Variants in LRP2 observed in about 807,000 individuals in gnomAD.
The protein encoded by LRP2 is LDL receptor related protein 2.
A neutral mutation model predicts 531.0 loss-of-function variants in LRP2; 172 were observed. The observed-to-expected ratio is 0.32, with a 90% CI of 0.29 to 0.37. The LOEUF (loss-of-function observed/expected upper bound fraction) is 0.37. LRP2 is among the 10% of genes least tolerant of loss of function. The pLI is 1.00. For missense variants in LRP2, 5,167 were observed against 5,868.3 expected (o/e 0.88, Z 3.90); for synonymous variants, 1,992 against 2,027.6 (o/e 0.98, Z 0.47).
intron 25 of LRP2, among the ~76,000 whole-genome samples, chr2:169,240,345 G>A (rs1689760244): frequency 6.6e-6 from 1 of 152,182 alleles, no homozygotes; most frequent in Non-Finnish European, 1.5e-5. Context: ...GCCTGGGGAT[G>A]CAAATGCCTT....
chr2:169,332,537 G>T (rs530799090), intron 1 of LRP2, among the ~76,000 whole-genome samples: 1 of 152,218 alleles, frequency 6.6e-6, no homozygotes, highest in South Asian at 2.1e-4. Context: ...CTGGCATCTT[G>T]CACCTTAACC....
chr2:169,327,707 G>T (rs1685128166), intron 1 of LRP2, among the ~76,000 whole-genome samples: 1 of 125,982 alleles, frequency 7.9e-6, no homozygotes, highest in Non-Finnish European at 1.7e-5. Context: ...GGAGGGAGGT[G>T]GGGGGATCAG....
chr2:169,238,736 C>G (rs902253809), intron 26 of LRP2, among the ~76,000 whole-genome samples: 12 of 152,068 alleles, frequency 7.9e-5, no homozygotes, highest in African/African-American at 7.2e-5. Flanking sequence ...TCCCAACACC[C>G]CCTCTCTTCT....
intron 18 of LRP2, among the ~76,000 whole-genome samples, 178 bp from the exon 19 acceptor site, chr2:169,256,414 CT>C (rs1690305885): frequency 6.6e-6 from 1 of 151,808 alleles, no homozygotes; most frequent in South Asian, 2.1e-4. Context: ...GAGACGGCTA[CT>C]TTTCATGAAG....
intron 76 of LRP2, among the ~76,000 whole-genome samples, chr2:169,134,694 C>T (rs1685429891): frequency 6.6e-6 from 1 of 152,200 alleles, no homozygotes; most frequent in East Asian, 1.9e-4. Flanking sequence ...AAAGGGACTA[C>T]ATGTCAGTAT....
intron 1 of LRP2, among the ~76,000 whole-genome samples, chr2:169,352,768 G>T (rs1024304762): frequency 6.6e-6 from 1 of 151,576 alleles, no homozygotes. Context: ...ACCAAACACC[G>T]CATGTTCTCA....
intron 16 of LRP2, among the ~76,000 whole-genome samples, chr2:169,270,282 T>C (rs187032382): frequency 1.7e-3 from 260 of 152,330 alleles, no homozygotes; most frequent in Admixed American, 3.6e-3. Context: ...TTATAAATCA[T>C]GCTGCTATAA....
In LRP2 at chr2:169,297,972, AACAC is replaced by A. The variant is rs10548576; in HGVS notation, c.428-3266_428-3263del. Among the ~76,000 whole-genome samples the A allele has an allele frequency of 8.5e-3, 1,278 of 150,016 alleles. 6 individuals carry two copies. The highest frequency in any genetic ancestry group is 0.037 in the South Asian group (174 of 4,724). On this transcript the variant is annotated intron_variant, in intron 4 of 78. Transcript: ENST00000649046. The stretch of plus-strand genomic sequence containing the variant: ...TAGGAAACTTAAGCCAAGATTGGGA[AACAC>A]ACACACACACACACACACAAGAAAT...
chr2:169,129,197 G>T, intron 77 of LRP2, 113 bp from the exon 78 acceptor site: 2 of 782,896 alleles, frequency 2.6e-6, no homozygotes, highest in Non-Finnish European at 4.5e-6. Context: ...AAGCAATTTG[G>T]GACCTGGGAC....
intron 1 of LRP2, among the ~76,000 whole-genome samples, chr2:169,348,602 G>A (rs1685758517): frequency 1.3e-5 from 2 of 152,176 alleles, no homozygotes; most frequent in Admixed American, 1.3e-4. Flanking sequence ...CAGAATGACA[G>A]TCCACTAACA....
intron 5 of LRP2, 37 bp downstream of exon 5, chr2:169,294,563 T>G: frequency 6.9e-6 from 10 of 1,449,654 alleles, no homozygotes; most frequent in Non-Finnish European, 7.8e-6. Context: ...TAAACCAGCT[T>G]CAGCACACAA....
At chr2:169,194,397 G>A (rs986264339) in intron 46 of LRP2, among the ~76,000 whole-genome samples, 1 of 152,006 alleles carries the variant, frequency 6.6e-6, no homozygotes, top group Non-Finnish European at 1.5e-5. Context: ...AGCTCCATGT[G>A]GGTAGGGATT....
At chr2:169,264,764 C>T (rs1173433731) in intron 16 of LRP2, among the ~76,000 whole-genome samples, 1 of 152,030 alleles carries the variant, frequency 6.6e-6, no homozygotes, top group Non-Finnish European at 1.5e-5. Context: ...GGGCGAGGAA[C>T]TAAGGGGCTC....
chr2:169,233,723 T>G (rs1205625619), intron 29 of LRP2, 135 bp from the exon 30 acceptor site: 8 of 864,742 alleles, frequency 9.3e-6, no homozygotes, highest in Non-Finnish European at 1.5e-5. Flanking sequence ...AGGAAGTCAT[T>G]GTGCAAAAGA....
In LRP2 at chr2:169,231,738, G is replaced by A; in HGVS notation, c.5203C>T (p.Pro1735Ser). The A allele has an allele frequency of 1.9e-6, 3 of 1,614,058 alleles. No homozygotes were observed. Among genetic ancestry groups the A allele is most frequent in the Non-Finnish European group, 2.5e-6 (3 of 1,179,970 alleles). The change falls in exon 31 of 79, where the codon CCT (proline) becomes TCT (serine). Residue 1735 changes from proline (P) to serine (S), a missense_variant. Transcript: ENST00000649046. ...CVCPSGWSLS[P>S]DLLNCLRDDQ... ...CCTCTCAAGCAATTCAGGAGATCAG[G>A]AGACAGACTCCATCCTGAAGGACAA...
intron 37 of LRP2, among the ~76,000 whole-genome samples, chr2:169,211,088 T>C (rs750112202): frequency 6.6e-6 from 1 of 152,196 alleles, no homozygotes; most frequent in African/African-American, 2.4e-5. Context: ...TCCATAACTT[T>C]TTAGATATGG....
At chr2:169,357,870 T>G (rs867741470) in intron 1 of LRP2, among the ~76,000 whole-genome samples, 4 of 152,190 alleles carry the variant, frequency 2.6e-5, no homozygotes, top group African/African-American at 9.6e-5. Context: ...TTACCTTTAG[T>G]AAGACTGAAA....
intron 1 of LRP2, among the ~76,000 whole-genome samples, chr2:169,326,601 C>A (rs1404808070): frequency 6.6e-6 from 1 of 151,998 alleles, no homozygotes; most frequent in African/African-American, 2.4e-5. Context: ...CTTGGCCTCC[C>A]AAAGTGCCGA....
intron 6 of LRP2, among the ~76,000 whole-genome samples, chr2:169,293,779 C>T (rs187411544): frequency 6.6e-6 from 1 of 152,188 alleles, no homozygotes; most frequent in South Asian, 2.1e-4. Flanking sequence ...TAGGAACTTC[C>T]TTTCCCTTAA....
Sources: allele counts gnomAD v4.1 joint callset (sites outside exome capture counted in the v4.1 genomes callset), GRCh38; gene constraint gnomAD v4.1.1; transcripts MANE v1.5; gene names NCBI Gene and HGNC (gene_info 2026-07-23, HGNC 2026-07-21).